Variants in COL28A1 observed in about 807,000 individuals in gnomAD.
COL28A1 encodes collagen type XXVIII alpha 1 chain.
A neutral mutation model predicts 150.2 loss-of-function variants in COL28A1; 161 were observed. The ratio of observed to expected loss-of-function variants is 1.07; its 90% CI spans 0.94 to 1.22. COL28A1 has a LOEUF of 1.22. Ranked by LOEUF, COL28A1 falls within the 50% of genes most tolerant of loss-of-function variation. COL28A1 has a pLI of 0.00. For synonymous variants in COL28A1, 552 were observed against 469.7 expected (o/e 1.18, Z -2.26); for missense variants, 1,617 against 1,388.3 (o/e 1.16, Z -2.62).
At chr7:7,389,895 G>T (rs1185166635) in intron 27 of COL28A1, among the ~76,000 whole-genome samples, 2 of 152,170 alleles carry the variant, frequency 1.3e-5, no homozygotes, top group Non-Finnish European at 2.9e-5. Context: ...GAGATTTTGG[G>T]CTGAGACAAT....
intron 15 of COL28A1, among the ~76,000 whole-genome samples, chr7:7,472,150 T>G (rs987493881): frequency 2.0e-5 from 3 of 152,070 alleles, no homozygotes; most frequent in African/African-American, 7.2e-5. Context: ...CTCTGACACA[T>G]AGTACTGGAA....
At chr7:7,496,802 T>G (rs1780233029) in intron 11 of COL28A1, among the ~76,000 whole-genome samples, 1 of 152,220 alleles carries the variant, frequency 6.6e-6, no homozygotes. Context: ...TTTTAGCAAC[T>G]TTTAAAAATC....
chr7:7,426,564 GA>G (rs1277353657), intron 25 of COL28A1, among the ~76,000 whole-genome samples: 3 of 152,210 alleles, frequency 2.0e-5, no homozygotes, highest in African/African-American at 7.2e-5. Flanking sequence ...TCATGGGGAT[GA>G]GAAAATAATT....
chr7:7,439,443 A>G (rs914004544), intron 21 of COL28A1, among the ~76,000 whole-genome samples: 12 of 152,184 alleles, frequency 7.9e-5, no homozygotes, highest in Non-Finnish European at 1.3e-4. Flanking sequence ...GGAAAATCAA[A>G]ATTATGTCTC....
intron 13 of COL28A1, among the ~76,000 whole-genome samples, chr7:7,488,416 A>G (rs1179612983): frequency 1.3e-5 from 2 of 152,234 alleles, no homozygotes; most frequent in African/African-American, 2.4e-5. Context: ...GTGAGGAACT[A>G]TGCAGTGCAA....
At chr7:7,518,548 T>A (rs928603889) in intron 6 of COL28A1, among the ~76,000 whole-genome samples, 1 of 152,224 alleles carries the variant, frequency 6.6e-6, no homozygotes, top group Non-Finnish European at 1.5e-5. Context: ...TTGAGTTAAT[T>A]TTTAATGTAA....
At chr7:7,500,241 A>C (rs563971960) in intron 11 of COL28A1, among the ~76,000 whole-genome samples, 2 of 152,332 alleles carry the variant, frequency 1.3e-5, no homozygotes, top group South Asian at 4.1e-4. Context: ...AAGTTACCAC[A>C]TAGGCAACTG....
At chr7:7,453,168 A>G (rs183843473) in intron 17 of COL28A1, among the ~76,000 whole-genome samples, 117 of 152,314 alleles carry the variant, frequency 7.7e-4, no homozygotes, top group Middle Eastern at 3.4e-3. Flanking sequence ...CTCTATTAAT[A>G]TTACTGTTTG....
At chr7:7,491,833 T>C (rs962665137) in intron 11 of COL28A1, among the ~76,000 whole-genome samples, 3 of 152,254 alleles carry the variant, frequency 2.0e-5, no homozygotes, top group Non-Finnish European at 4.4e-5. Flanking sequence ...TTTCATAATA[T>C]TATTTTTTTC....
In COL28A1 at chr7:7,395,676, G is replaced by A. The variant is rs1034490640; in HGVS notation, c.2137-14064C>T. 4.6e-5 allele frequency among the ~76,000 whole-genome samples: 7 copies of A among 152,294 alleles called. No individual in the cohort carries two copies. The East Asian group carries it at 1.4e-3, about 29-fold the overall frequency. On this transcript the variant is annotated intron_variant, in intron 27 of 34. Coordinates refer to ENST00000399429, the MANE Select transcript of COL28A1 (RefSeq NM_001037763.3). The stretch of plus-strand genomic sequence containing the variant: ...GCTGTAAAAGCTCTGAGAAGAGGAA[G>A]AATTTTACTTTAGCACAAAATTTTC...
intron 27 of COL28A1, among the ~76,000 whole-genome samples, chr7:7,398,074 G>GA (rs1233306185): frequency 6.6e-6 from 1 of 152,168 alleles, no homozygotes; most frequent in Non-Finnish European, 1.5e-5. Flanking sequence ...ACACAGGGTA[G>GA]AATTCTGTGT....
At chr7:7,383,297 G>C (rs1429947996) in intron 27 of COL28A1, among the ~76,000 whole-genome samples, 1 of 128,944 alleles carries the variant, frequency 7.8e-6, no homozygotes. Flanking sequence ...TGTTTTTTTT[G>C]AGACAGAGTC....
chr7:7,345,007 TAC>T, the COL28A1 span, among the ~76,000 whole-genome samples: 2 of 149,502 alleles, frequency 1.3e-5, no homozygotes, highest in Non-Finnish European at 3.0e-5. Context: ...GAAATACACA[TAC>T]ACACACACAC....
intron 15 of COL28A1, among the ~76,000 whole-genome samples, chr7:7,466,545 CAGG>C (rs2128342872): frequency 1.1e-5 from 1 of 92,886 alleles, no homozygotes; most frequent in South Asian, 3.6e-4. Flanking sequence ...GGATATTATC[CAGG>C]AGAACTTCCC....
intron 26 of COL28A1, among the ~76,000 whole-genome samples, chr7:7,418,213 C>T (rs1451500204): frequency 6.6e-6 from 1 of 152,206 alleles, no homozygotes; most frequent in Non-Finnish European, 1.5e-5. Flanking sequence ...TGCTTGGGCC[C>T]CCTTCACTGC....
At chr7:7,439,839 G>T (rs576405423) in intron 21 of COL28A1, among the ~76,000 whole-genome samples, 2 of 152,266 alleles carry the variant, frequency 1.3e-5, no homozygotes, top group East Asian at 3.9e-4. Context: ...AAGAAATCTG[G>T]ATTTGTAATC....
At chr7:7,345,010 A>G in the COL28A1 span, among the ~76,000 whole-genome samples, 7 of 149,712 alleles carry the variant, frequency 4.7e-5, no homozygotes, top group African/African-American at 1.7e-4. Flanking sequence ...ATACACATAC[A>G]CACACACACA....
chr7:7,452,357 G>T lies in COL28A1; in HGVS notation c.1471C>A (p.Pro491Thr). The T allele has an allele frequency of 6.2e-7, 1 of 1,604,842 alleles. No individual in the cohort carries two copies. The highest frequency in any genetic ancestry group is 1.1e-5 in the South Asian group (1 of 89,002). Reference protein sequence around the residue: ...GEVGQMGPTGPRGPVGIGVQG... With the variant: ...GEVGQMGPTGTRGPVGIGVQG... ...ACTCCAATTCCCACTGGTCCTCGAGGGCCTGTAGGTCCCATTTGGCCTACT... is the reference window on the plus strand; with the variant it reads ...ACTCCAATTCCCACTGGTCCTCGAGTGCCTGTAGGTCCCATTTGGCCTACT... Residue 491 changes from proline to threonine, a missense_variant, in exon 18 of 35, where the codon CCT becomes ACT. Physicochemically the swap from Pro to Thr is conservative, Grantham distance 38 (BLOSUM62 -1). Coordinates refer to ENST00000399429, the MANE Select transcript of COL28A1 (RefSeq NM_001037763.3).
intron 15 of COL28A1, among the ~76,000 whole-genome samples, chr7:7,472,830 G>C (rs1788546980): frequency 6.6e-6 from 1 of 152,160 alleles, no homozygotes; most frequent in South Asian, 2.1e-4. Context: ...TAGGCACATA[G>C]ACCAGTGGAA....
Sources: allele counts gnomAD v4.1 joint callset (sites outside exome capture counted in the v4.1 genomes callset), GRCh38; gene constraint gnomAD v4.1.1; transcripts MANE v1.5; gene names NCBI Gene and HGNC (gene_info 2026-07-23, HGNC 2026-07-21).